The following TENM1 variants were observed in gnomAD, a reference collection of about 807,000 sequenced individuals.
TENM1 encodes teneurin transmembrane protein 1, also known as teneurin-1.
TENM1 carries 35 observed loss-of-function variants against 174.8 expected under a neutral mutation model. That is an observed-to-expected ratio of 0.20 (90% CI 0.15 to 0.27). The LOEUF (loss-of-function observed/expected upper bound fraction) is 0.27, where lower values mean the gene tolerates loss of function less well. Ranked by LOEUF, TENM1 falls within the 10% of genes least tolerant of loss-of-function variation. The pLI is 1.00. For missense variants in TENM1, 1,633 were observed against 2,130.1 expected (o/e 0.77, Z 4.59); for synonymous variants, 781 against 798.7 (o/e 0.98, Z 0.37).
At chrX:124,586,306 G>A (rs780036421) in intron 11 of TENM1, among the ~76,000 whole-genome samples, 3,135 of 108,777 alleles carry the variant, frequency 0.029, 54 homozygotes, top group African/African-American at 0.045. Flanking sequence ...CTGGCAAACC[G>A]AATCCAGCAG....
At chrX:124,660,156 C>T (rs1033959695) in intron 6 of TENM1, among the ~76,000 whole-genome samples, 2 of 110,500 alleles carry the variant, frequency 1.8e-5, no homozygotes, top group African/African-American at 3.3e-5. Context: ...GGGTGGATCA[C>T]GAGGTCAGGA....
chrX:125,125,314 C>T, the TENM1 span, among the ~76,000 whole-genome samples: 1 of 111,972 alleles, frequency 8.9e-6, no homozygotes, highest in Non-Finnish European at 1.9e-5. Flanking sequence ...CCCCAGATCA[C>T]TTTACATCTA....
At chrX:124,444,080 T>G (rs1055412402) in intron 23 of TENM1, among the ~76,000 whole-genome samples, 3 of 112,040 alleles carry the variant, frequency 2.7e-5, no homozygotes, top group African/African-American at 9.7e-5. Flanking sequence ...AACACATGGG[T>G]TCATAATCTA....
At chrX:125,169,371 A>G in the TENM1 span, among the ~76,000 whole-genome samples, 39 of 111,685 alleles carry the variant, frequency 3.5e-4, 3 homozygotes, top group Admixed American at 3.3e-3. Context: ...TGTAGGATGA[A>G]AAAAATAAAT....
chrX:124,436,031 A>G (rs779689458), intron 23 of TENM1, among the ~76,000 whole-genome samples: 1 of 111,915 alleles, frequency 8.9e-6, no homozygotes, highest in South Asian at 3.8e-4. Context: ...TTACAGATTC[A>G]GTAATGATGA....
At chrX:124,839,251 T>C (rs776476438) in intron 3 of TENM1, among the ~76,000 whole-genome samples, 1 of 111,790 alleles carries the variant, frequency 8.9e-6, no homozygotes, top group Non-Finnish European at 1.9e-5. Flanking sequence ...TAGTTATGGG[T>C]ACTTACATAT....
At chrX:124,674,894 A>C (rs2052026582) in intron 5 of TENM1, among the ~76,000 whole-genome samples, 1 of 111,848 alleles carries the variant, frequency 8.9e-6, no homozygotes, top group Non-Finnish European at 1.9e-5. Flanking sequence ...ATATAACAAA[A>C]GGAATAGTAG....
At chrX:124,759,692 T>C (rs1487867517) in intron 3 of TENM1, among the ~76,000 whole-genome samples, 1 of 112,023 alleles carries the variant, frequency 8.9e-6, no homozygotes, top group Non-Finnish European at 1.9e-5. Context: ...TCAGTTGTAT[T>C]TGGAAAATTT....
the TENM1 span, among the ~76,000 whole-genome samples, chrX:125,116,145 A>T: frequency 8.9e-6 from 1 of 112,409 alleles, no homozygotes; most frequent in Middle Eastern, 4.6e-3. Context: ...TGAGGAAAGG[A>T]TTCCTTATTT....
At chrX:125,132,537 A>C in the TENM1 span, among the ~76,000 whole-genome samples, 3 of 112,073 alleles carry the variant, frequency 2.7e-5, no homozygotes, top group Non-Finnish European at 5.6e-5. Flanking sequence ...ATCTGGATAG[A>C]GGGGGTAAGG....
chrX:125,016,474 G>T, the TENM1 span, among the ~76,000 whole-genome samples: 2 of 111,096 alleles, frequency 1.8e-5, no homozygotes, highest in African/African-American at 6.5e-5. Context: ...TTGCTACAAA[G>T]AGAATAAAAT....
intron 23 of TENM1, among the ~76,000 whole-genome samples, chrX:124,427,194 G>A (rs1450046718): frequency 8.9e-6 from 1 of 112,172 alleles, no homozygotes; most frequent in East Asian, 2.8e-4. Context: ...GGGAGCCGAG[G>A]CCAGGGCAGA....
chrX:124,516,014 T>C (rs758912374), intron 18 of TENM1, among the ~76,000 whole-genome samples: 3 of 110,892 alleles, frequency 2.7e-5, no homozygotes, highest in Non-Finnish European at 5.7e-5. Flanking sequence ...CACAGATGAA[T>C]GGAACAGAAT....
the TENM1 span, among the ~76,000 whole-genome samples, chrX:125,150,640 A>C: frequency 8.9e-6 from 1 of 112,488 alleles, no homozygotes; most frequent in Non-Finnish European, 1.9e-5. Flanking sequence ...CCCTAAATAT[A>C]TCTTTAGACA....
At chrX:124,717,086 G>C (rs758310126) in intron 4 of TENM1, among the ~76,000 whole-genome samples, 2 of 111,073 alleles carry the variant, frequency 1.8e-5, no homozygotes, top group African/African-American at 6.6e-5. Flanking sequence ...TCTGCTTTAT[G>C]CCCCTCAGTT....
intron 22 of TENM1, among the ~76,000 whole-genome samples, chrX:124,472,661 A>T (rs568943152): frequency 5.4e-5 from 6 of 111,394 alleles, no homozygotes; most frequent in Admixed American, 4.8e-4. Context: ...ACACTATAAA[A>T]CTACTAATTT....
chrX:124,613,973 G>A (rs941436140), intron 11 of TENM1, among the ~76,000 whole-genome samples: 3 of 111,643 alleles, frequency 2.7e-5, no homozygotes, highest in Non-Finnish European at 5.6e-5. Context: ...ATGGCCCTAA[G>A]CCTACTTTCA....
chrX:124,857,455 T>C (rs1296667987), intron 3 of TENM1, among the ~76,000 whole-genome samples: 1 of 111,597 alleles, frequency 9.0e-6, no homozygotes, highest in African/African-American at 3.2e-5. Flanking sequence ...TAGACAAATT[T>C]TGAAAACATG....
the TENM1 span, among the ~76,000 whole-genome samples, chrX:125,086,997 C>T: frequency 9.0e-6 from 1 of 110,990 alleles, no homozygotes; most frequent in Non-Finnish European, 1.9e-5. Flanking sequence ...AGTTTAAATC[C>T]CAAATGAAAT....
Sources: allele counts gnomAD v4.1 joint callset (sites outside exome capture counted in the v4.1 genomes callset), GRCh38; gene constraint gnomAD v4.1.1; transcripts MANE v1.5; gene names NCBI Gene and HGNC (gene_info 2026-07-23, HGNC 2026-07-21).